Variants in PHF24 observed in about 807,000 individuals in gnomAD.
PHF24 encodes PHD finger protein 24.
In PHF24, 25 loss-of-function variants were observed where a neutral mutation model predicts 42.6. That is an observed-to-expected ratio of 0.59 (90% CI 0.43 to 0.82). The LOEUF (loss-of-function observed/expected upper bound fraction) is 0.82, where lower values mean the gene tolerates loss of function less well. Among genes scored for constraint, PHF24 ranks in the 40% least tolerant of loss-of-function variants. PHF24 has a pLI of 0.00. For missense variants in PHF24, 470 were observed against 538.1 expected (o/e 0.87, Z 1.25); for synonymous variants, 185 against 204.8 (o/e 0.90, Z 0.83).
chr9:34,774,510 G>A, the PHF24 span, among the ~76,000 whole-genome samples: 6 of 152,262 alleles, frequency 3.9e-5, no homozygotes, highest in African/African-American at 1.4e-4. Flanking sequence ...GGTGGTTTAC[G>A]CCTGTAATCC....
the PHF24 span, among the ~76,000 whole-genome samples, chr9:34,691,895 A>G: frequency 2.0e-5 from 3 of 152,116 alleles, 1 homozygote; most frequent in Middle Eastern, 0.01. Context: ...CTGTTTTCCT[A>G]TGTCCAACAC....
At chr9:34,839,121 G>A in the PHF24 span, among the ~76,000 whole-genome samples, 1 of 152,198 alleles carries the variant, frequency 6.6e-6, no homozygotes. Flanking sequence ...GCAGATGGGT[G>A]GGGAGAGATT....
At chr9:34,840,971 A>G in the PHF24 span, among the ~76,000 whole-genome samples, 3 of 151,850 alleles carry the variant, frequency 2.0e-5, no homozygotes, top group Non-Finnish European at 2.9e-5. Context: ...TTGCCCTCCA[A>G]TTGTAGAAAT....
the PHF24 span, among the ~76,000 whole-genome samples, chr9:34,703,466 G>A: frequency 6.6e-6 from 1 of 152,036 alleles, no homozygotes; most frequent in South Asian, 2.1e-4. Flanking sequence ...ACTGCCCCCA[G>A]CCCATTATTT....
At chr9:34,836,803 C>A in the PHF24 span, among the ~76,000 whole-genome samples, 1 of 152,124 alleles carries the variant, frequency 6.6e-6, no homozygotes, top group African/African-American at 2.4e-5. Flanking sequence ...TGAGTAGAAC[C>A]CCATATAATG....
intron 3 of PHF24, among the ~76,000 whole-genome samples, chr9:34,973,605 T>G (rs779221924): frequency 1.3e-5 from 2 of 152,216 alleles, no homozygotes; most frequent in East Asian, 1.9e-4. Flanking sequence ...TGATCCCCCC[T>G]TCTTCCTGCT....
At chr9:34,962,876 C>T (rs1032614275) in intron 1 of PHF24, among the ~76,000 whole-genome samples, 2 of 152,214 alleles carry the variant, frequency 1.3e-5, no homozygotes, top group African/African-American at 4.8e-5. Context: ...ACTTTGTGAG[C>T]TTTCAGTAAA....
the PHF24 span, among the ~76,000 whole-genome samples, chr9:34,859,038 GTC>G: frequency 2.0e-5 from 3 of 152,146 alleles, no homozygotes; most frequent in African/African-American, 7.2e-5. Flanking sequence ...GGTTTCTAAG[GTC>G]TTTTCTGAGC....
At chr9:34,879,377 G>T in the PHF24 span, among the ~76,000 whole-genome samples, 1 of 152,336 alleles carries the variant, frequency 6.6e-6, no homozygotes, top group African/African-American at 2.4e-5. Context: ...TGAGTTGAGA[G>T]AAGAAGGCTT....
chr9:34,942,906 G>A, the PHF24 span, among the ~76,000 whole-genome samples: 2 of 152,034 alleles, frequency 1.3e-5, no homozygotes, highest in Non-Finnish European at 2.9e-5. Context: ...TGTAAATGAC[G>A]AGTTAATGGG....
At chr9:34,894,864 C>A in the PHF24 span, among the ~76,000 whole-genome samples, 2 of 152,020 alleles carry the variant, frequency 1.3e-5, no homozygotes, top group African/African-American at 2.4e-5. Flanking sequence ...TTTTAATGTG[C>A]CTAGGCTCTG....
chr9:34,671,263 C>T, the PHF24 span, among the ~76,000 whole-genome samples: 1 of 152,170 alleles, frequency 6.6e-6, no homozygotes, highest in South Asian at 2.1e-4. Context: ...TGAGGGAGTC[C>T]TGAGAAGCAG....
the PHF24 span, among the ~76,000 whole-genome samples, chr9:34,848,286 T>C: frequency 6.6e-6 from 1 of 151,848 alleles, no homozygotes; most frequent in African/African-American, 2.4e-5. Flanking sequence ...GAGCCTGTTA[T>C]TGGTCTATTC....
chr9:34,665,833 T>G, the PHF24 span: 1 of 603,164 alleles, frequency 1.7e-6, no homozygotes, highest in Non-Finnish European at 2.9e-6. Context: ...GGCTTGGAGA[T>G]TTGGGAGGCA....
the PHF24 span, among the ~76,000 whole-genome samples, chr9:34,768,247 G>T: frequency 6.6e-6 from 1 of 152,174 alleles, no homozygotes; most frequent in African/African-American, 2.4e-5. Context: ...ATATTTTAGG[G>T]CTATCCCATG....
At chr9:34,762,432 T>C in the PHF24 span, among the ~76,000 whole-genome samples, 1 of 151,728 alleles carries the variant, frequency 6.6e-6, no homozygotes, top group Admixed American at 6.6e-5. Context: ...TTGATTTGCA[T>C]TTCTCTGATG....
chr9:34,942,911 A>G, the PHF24 span, among the ~76,000 whole-genome samples: 8 of 152,170 alleles, frequency 5.3e-5, no homozygotes, highest in African/African-American at 1.7e-4. Flanking sequence ...ATGACGAGTT[A>G]ATGGGTGCAG....
chr9:34,802,583 C>T, the PHF24 span, among the ~76,000 whole-genome samples: 50 of 152,238 alleles, frequency 3.3e-4, no homozygotes, highest in South Asian at 9.1e-3. Flanking sequence ...AAAAGCAAAA[C>T]GATATTTATA....
At chr9:34,846,561 CTG>C in the PHF24 span, among the ~76,000 whole-genome samples, 1 of 151,840 alleles carries the variant, frequency 6.6e-6, no homozygotes, top group Non-Finnish European at 1.5e-5. Context: ...CCTGTTCACT[CTG>C]ATGGTAGTTT....
Sources: allele counts gnomAD v4.1 joint callset (sites outside exome capture counted in the v4.1 genomes callset), GRCh38; gene constraint gnomAD v4.1.1; transcripts MANE v1.5; gene names NCBI Gene and HGNC (gene_info 2026-07-23, HGNC 2026-07-21).